Variants in SEC16B observed in about 807,000 individuals in gnomAD.
SEC16B encodes the protein SEC16 homolog B, endoplasmic reticulum export factor.
In SEC16B, 115 loss-of-function variants were observed where a neutral mutation model predicts 141.8. The observed-to-expected ratio is 0.81, with a 90% CI of 0.70 to 0.95. The LOEUF is 0.95. Among genes scored for constraint, SEC16B ranks in the 40% least tolerant of loss-of-function variants. The pLI, the probability that SEC16B is intolerant of heterozygous loss-of-function variation, is 0.00. For synonymous variants in SEC16B, 493 were observed against 492.5 expected, an observed-to-expected ratio of 1.00 and a Z score of -0.01; for missense variants, 1,291 against 1,312.3, an observed-to-expected ratio of 0.98 and a Z score of 0.25.
rs1181359075 is a variant in SEC16B at position 177,930,571 on chromosome 1, G to A, written c.3085C>T (p.Leu1029Phe). Residue 1029 changes from leucine to phenylalanine, a missense_variant, in exon 25 of 26, where the codon CTT becomes TTT. Physicochemically the swap from Leu to Phe is conservative, Grantham distance 22 (BLOSUM62 0). Coordinates refer to ENST00000308284, the MANE Select transcript of SEC16B (RefSeq NM_033127.4). ...TGAGGCACCTGAGATGGGTTGTAAA[G>A]AGGAACAGCCCCTTTTAAGGCAGGT... ...PPPALKGAVP[L>F]YNPSQVPQLP... The A allele has an allele frequency of 6.8e-6, 11 of 1,613,622 alleles. No individual in the cohort carries two copies. The highest frequency in any genetic ancestry group is 9.3e-6 in the Non-Finnish European group (11 of 1,179,798).
chr1:177,980,848 AAG>A (rs1195442996), intron 1 of SEC16B, among the ~76,000 whole-genome samples: 1 of 152,116 alleles, frequency 6.6e-6, no homozygotes, highest in East Asian at 1.9e-4. Flanking sequence ...TTATCCTGGA[AAG>A]AGAGAAAGGA....
Position 177,962,864 on chromosome 1 carries a change from T to G in SEC16B, c.643-1130A>C, listed in dbSNP as rs145431637. Among the ~76,000 whole-genome samples the G allele has an allele frequency of 3.8e-3, 585 of 152,260 alleles. 6 individuals are homozygous for G. The highest frequency in any genetic ancestry group is 0.014 in the African/African-American group (572 of 41,556). ...GCTCACACCTGTAATCCCAGCACTT[T>G]GGGAGGCCGACGCAGGAGGATCACC... On this transcript the variant is annotated intron_variant, in intron 5 of 25. Coordinates refer to ENST00000308284, the MANE Select transcript of SEC16B (RefSeq NM_033127.4).
intron 15 of SEC16B, among the ~76,000 whole-genome samples, chr1:177,943,990 G>A (rs996199469): frequency 6.6e-6 from 1 of 152,208 alleles, no homozygotes; most frequent in Non-Finnish European, 1.5e-5. Flanking sequence ...TGGTCTTTAC[G>A]AATGTAAGGT....
chr1:177,958,634 C>A (rs945393571), intron 9 of SEC16B, among the ~76,000 whole-genome samples: 1 of 152,188 alleles, frequency 6.6e-6, no homozygotes, highest in Non-Finnish European at 1.5e-5. Flanking sequence ...AGAAACTGTA[C>A]AATTTTCCCA....
At chr1:177,932,458 G>A (rs1162591845) in intron 24 of SEC16B, 32 bp downstream of exon 24, 9 of 1,473,646 alleles carry the variant, frequency 6.1e-6, no homozygotes, top group Non-Finnish European at 8.2e-6. Context: ...ATCTGCTGGG[G>A]TCCGAGGCTC....
At chr1:177,978,169 G>C (rs1232724174) in intron 1 of SEC16B, among the ~76,000 whole-genome samples, 1 of 152,166 alleles carries the variant, frequency 6.6e-6, no homozygotes, top group Non-Finnish European at 1.5e-5. Flanking sequence ...TGAGCCTTCA[G>C]GCAAGTTATT....
chr1:177,980,798 A>T (rs1003960323), intron 1 of SEC16B, among the ~76,000 whole-genome samples: 3 of 152,044 alleles, frequency 2.0e-5, no homozygotes, highest in Non-Finnish European at 4.4e-5. Flanking sequence ...GAAAGAAAAA[A>T]AAAATCTGCC....
Position 177,960,930 on chromosome 1 carries a change from G to T in SEC16B, c.797C>A (p.Ser266Ter), listed in dbSNP as rs367908523. Residue 266 changes from serine (S) to a stop codon, truncating the protein, a stop_gained, in exon 7 of 26, where the codon TCA becomes TAA. Transcript: ENST00000308284. LOFTEE classifies it high-confidence loss of function. ...CTTCATGGGTGCTTTGGGACCAGCT[G>T]AGGAGACATCTTCTGACCAACAGAC... ...AWSPVQADVS[S>*]AGPKAPMKFY... 2.9e-5 allele frequency: 43 copies of T among 1,500,164 alleles called. No homozygotes were observed. Among genetic ancestry groups the T allele is most frequent in the Non-Finnish European group, 3.9e-5 (42 of 1,087,724 alleles). 92.9% of individuals were successfully genotyped at this position (1,500,164 alleles called of 1,614,324 possible).
At chr1:177,952,633 AT>A (rs1652282895) in intron 11 of SEC16B, among the ~76,000 whole-genome samples, 1 of 152,194 alleles carries the variant, frequency 6.6e-6, no homozygotes, top group Admixed American at 6.5e-5. Context: ...AGTGAGAGGT[AT>A]TTTTCACAAT....
At position 177,929,847 on chromosome 1, in the gene SEC16B, T is replaced by C; in HGVS notation, c.*11A>G. ...AGTCCTGGGAGATGAGCCTGGGACG[T>C]GTGTTTATTCTCAGCATGGCTGGGT... is the stretch of plus-strand genomic sequence containing the variant. On this transcript the variant is annotated 3_prime_UTR_variant, in exon 26 of 26. Transcript: ENST00000308284. The C allele has an allele frequency of 2.5e-6, 4 of 1,613,584 alleles. No individual in the cohort carries two copies. The South Asian group carries it at 4.4e-5, about 18-fold the overall frequency.
chr1:177,937,603 C>T (rs982203397), intron 18 of SEC16B, 90 bp from the exon 19 acceptor site: 38 of 1,174,126 alleles, frequency 3.2e-5, no homozygotes, highest in Non-Finnish European at 3.9e-5. Context: ...CTTATGTCTT[C>T]TTTGGAAAGC....
In SEC16B at chr1:177,961,607, C is replaced by T. The variant is rs534915424; in HGVS notation, c.770G>A (p.Trp257Ter). The change falls in exon 6 of 26, where the codon TGG (tryptophan) becomes TAG (stop). Residue 257 changes from tryptophan to a stop codon, truncating the protein, a stop_gained. Coordinates refer to ENST00000308284, the MANE Select transcript of SEC16B (RefSeq NM_033127.4). LOFTEE classifies it high-confidence loss of function. The part of the protein sequence containing the change: ...ERDDPPASAA[W>*]SPVQADVSSA... ...GAACCCACCAGCCTGAACTGGACTC[C>T]AAGCTGCTGAAGCTGGGGGATCATC... 5.6e-6 allele frequency: 9 copies of T among 1,613,226 alleles called. No individual in the cohort carries two copies. The South Asian group carries it at 8.8e-5, about 16-fold the overall frequency.
chr1:177,954,437 T>G, intron 10 of SEC16B, 61 bp from the exon 11 acceptor site: 1 of 1,348,158 alleles, frequency 7.4e-7, no homozygotes, highest in Non-Finnish European at 1.0e-6. Context: ...CAAGTTCCTG[T>G]GCTTAGGTGC....
chr1:177,960,949 A>T lies in SEC16B; in HGVS notation c.788-10T>A. The T allele has an allele frequency of 6.6e-7, 1 of 1,510,458 alleles. No individual in the cohort carries two copies. The highest frequency in any genetic ancestry group is 9.1e-7 in the Non-Finnish European group (1 of 1,097,268). 93.6% of individuals were successfully genotyped at this position (1,510,458 alleles called of 1,614,324 possible). On this transcript the variant is annotated splice_polypyrimidine_tract_variant and intron_variant, in intron 6 of 25. Transcript: ENST00000308284. ...CCAGCTGAGGAGACATCTTCTGACCAACAGACACAGATGGACATTGTTAGC... is the reference window on the plus strand; with the variant it reads ...CCAGCTGAGGAGACATCTTCTGACCTACAGACACAGATGGACATTGTTAGC...
At chr1:177,950,167 A>G (rs982646962) in intron 12 of SEC16B, among the ~76,000 whole-genome samples, 1 of 152,170 alleles carries the variant, frequency 6.6e-6, no homozygotes, top group African/African-American at 2.4e-5. Flanking sequence ...AAAAAAATGA[A>G]AAGTGTGAGG....
In SEC16B at chr1:177,967,704, T is replaced by C. The variant is rs765813131; in HGVS notation, c.278A>G (p.Tyr93Cys). ...ATACCTTGAATACAACTGATTGCGATAACCACCTTCGTAATAGTCAACTCC... is the reference window on the plus strand; with the variant it reads ...ATACCTTGAATACAACTGATTGCGACAACCACCTTCGTAATAGTCAACTCC... ...VSGVDYYEGG[Y>C]RNQLYSRPGY... The change falls in exon 2 of 26, where the codon TAT (tyrosine) becomes TGT (cysteine). Residue 93 changes from tyrosine (Y) to cysteine (C), a missense_variant. By Grantham distance (194) the Tyr-to-Cys change is radical. Coordinates refer to ENST00000308284, the MANE Select transcript of SEC16B (RefSeq NM_033127.4). 4 of 1,605,442 alleles carry C rather than the reference T, an allele frequency of 2.5e-6. No individual in the cohort carries two copies. In the South Asian group the frequency reaches 4.4e-5, roughly 18 times the overall value.
At chr1:177,940,797 G>T in intron 16 of SEC16B, 83 bp from the exon 17 acceptor site, 1 of 852,962 alleles carries the variant, frequency 1.2e-6, no homozygotes. Flanking sequence ...AAGACAACGG[G>T]GAAGAGAAAA....
Position 177,967,874 on chromosome 1 carries a change from G to C in SEC16B, c.108C>G (p.Val36=). The C allele has an allele frequency of 6.2e-7, 1 of 1,613,926 alleles. No homozygotes were observed. The highest frequency in any genetic ancestry group is 1.3e-5 in the African/African-American group (1 of 75,008). The change falls in exon 2 of 26, where the codon GTC becomes GTG. Residue 36 remains valine, a synonymous_variant. Transcript: ENST00000308284. ...TCTCTCCATTGTGCCAAGAGTGAGG[G>C]ACAGGCCGATGATGTCCATCTCTCC... The part of the protein sequence containing the change: ...GFRRDGHHRP[V]PHSWHNGERF...
At chr1:177,930,713 A>G (rs1650354113) in intron 24 of SEC16B, 70 bp from the exon 25 acceptor site, 3 of 1,071,590 alleles carry the variant, frequency 2.8e-6, no homozygotes, top group Non-Finnish European at 2.8e-6. Context: ...GAGGCCTTCA[A>G]GAAGCATATC....
Sources: gnomAD v4.1 joint callset for allele counts (sites outside exome capture counted in the v4.1 genomes callset) on GRCh38, gnomAD v4.1.1 for gene constraint, MANE v1.5 for transcripts, NCBI Gene and HGNC (gene_info 2026-07-23, HGNC 2026-07-21) for gene names.